Variants in ATP13A4 observed in about 807,000 individuals in gnomAD.
ATP13A4 encodes probable cation-transporting ATPase 13A4.
ATP13A4 carries 114 observed loss-of-function variants against 142.5 expected under a neutral mutation model. That is an observed-to-expected ratio of 0.80 (90% CI 0.69 to 0.93). The LOEUF (loss-of-function observed/expected upper bound fraction) is 0.93. Among genes scored for constraint, ATP13A4 ranks in the 40% least tolerant of loss-of-function variants. The pLI is 0.00. For missense variants in ATP13A4, 1,392 were observed against 1,454.0 expected (o/e 0.96, Z 0.69); for synonymous variants, 488 against 514.8 (o/e 0.95, Z 0.70).
intron 25 of ATP13A4, among the ~76,000 whole-genome samples, chr3:193,421,547 T>C (rs1483351783): frequency 6.7e-6 from 1 of 150,036 alleles, no homozygotes; most frequent in African/African-American, 2.4e-5. Flanking sequence ...ATAAAACATA[T>C]ATATCTCTAG....
At chr3:193,438,067 C>T (rs1031124915) in intron 23 of ATP13A4, among the ~76,000 whole-genome samples, 4 of 152,032 alleles carry the variant, frequency 2.6e-5, no homozygotes, top group African/African-American at 4.8e-5. Context: ...CTCCTGACCT[C>T]GTGATCTGCC....
intron 25 of ATP13A4, among the ~76,000 whole-genome samples, chr3:193,431,801 A>G (rs907849735): frequency 1.3e-5 from 2 of 151,604 alleles, no homozygotes; most frequent in Admixed American, 1.3e-4. Context: ...AAAACAAGTA[A>G]ATATATATGT....
chr3:193,557,996 G>A (rs1160998168), upstream of ATP13A4, among the ~76,000 whole-genome samples: 2 of 152,214 alleles, frequency 1.3e-5, no homozygotes, highest in Non-Finnish European at 2.9e-5. Flanking sequence ...CATGTGGCAG[G>A]GAAATATGGA....
rs1560290861 is a variant in ATP13A4, at chr3:193,582,633, ACAT to A, written n.92-730_92-728del. On this transcript the variant is annotated intron_variant and non_coding_transcript_variant, in intron 1 of 3. Coordinates refer to the ATP13A4 transcript ENST00000489140. Reference sequence around the variant, plus strand: ...TGTATATTATATATGTATATTACATACATTATATATGTATATTACATACATTAT... The same window carrying A: ...TGTATATTATATATGTATATTACATATATATATGTATATTACATACATTAT... 2.4e-4 allele frequency among the ~76,000 whole-genome samples: 16 copies of A among 66,404 alleles called. 1 individual carries two copies. Among genetic ancestry groups the A allele is most frequent in the African/African-American group, 1.2e-3 (14 of 11,656 alleles). 43.6% of individuals were successfully genotyped at this position (66,404 alleles called of 152,430 possible).
At chr3:193,531,332 A>AAGGG (rs1560262376) in intron 1 of ATP13A4, among the ~76,000 whole-genome samples, 3 of 82,574 alleles carry the variant, frequency 3.6e-5, no homozygotes, top group Non-Finnish European at 7.7e-5. Flanking sequence ...GGAAGGAAGG[A>AAGGG]AGGAAGGGAG....
At position 193,554,767 on chromosome 3, in the gene ATP13A4, C is replaced by T. The variant is rs1156742927; in HGVS notation, c.33G>A (p.Leu11=). The change falls in exon 1 of 30, where the codon CTG becomes CTA. Residue 11 remains leucine, a synonymous_variant. Transcript: ENST00000342695. ...TCTCATTCTCTTCTCCTTCATTGAGCAGAGCGTGCTGGCCCTTCTCAAAGT... is the reference window on the plus strand; with the variant it reads ...TCTCATTCTCTTCTCCTTCATTGAGTAGAGCGTGCTGGCCCTTCTCAAAGT... The part of the protein sequence containing the change: MGHFEKGQHA[L]LNEGEENEME... The T allele has an allele frequency of 6.2e-7, 1 of 1,613,814 alleles. No homozygotes were observed.
Position 193,435,643 on chromosome 3 carries a change from C to T in ATP13A4, c.2769+5G>A, listed in dbSNP as rs1716224507. ...CTAACCAAGAGGCTAAGTCCCAAGT[C>T]ATACCCAGTAGAGCAGCAGAACACC... On this transcript the variant is annotated splice_donor_5th_base_variant and intron_variant, in intron 24 of 29. Transcript: ENST00000342695. 2 of 1,611,348 alleles carry T rather than the reference C, an allele frequency of 1.2e-6. No individual in the cohort carries two copies. Among genetic ancestry groups the T allele is most frequent in the Non-Finnish European group, 1.7e-6 (2 of 1,177,606 alleles).
Position 193,518,308 on chromosome 3 carries a change from A to C in ATP13A4, c.61-3437T>G, listed in dbSNP as rs764815491. On this transcript the variant is annotated intron_variant, in intron 1 of 29. Transcript: ENST00000342695. ...ATGAGCTCCAGCAACACACATCAAT[A>C]TGGATGACTCTTAGTAATAGAATAG... Among the ~76,000 whole-genome samples the C allele has an allele frequency of 6.1e-4, 93 of 152,360 alleles. 4 individuals carry two copies. Among genetic ancestry groups the C allele is most frequent in the Admixed American group, 5.9e-4 (9 of 15,310 alleles).
intron 29 of ATP13A4, among the ~76,000 whole-genome samples, chr3:193,404,338 C>A (rs1379053737): frequency 2.6e-5 from 4 of 152,120 alleles, no homozygotes; most frequent in South Asian, 2.1e-4. Flanking sequence ...TAGTTCTGGA[C>A]TCTGATGACC....
chr3:193,501,472 C>G (rs1360673797), intron 3 of ATP13A4, among the ~76,000 whole-genome samples: 1 of 151,822 alleles, frequency 6.6e-6, no homozygotes, highest in Non-Finnish European at 1.5e-5. Flanking sequence ...CCTGTATTCC[C>G]AGCTACTTTG....
intron 17 of ATP13A4, among the ~76,000 whole-genome samples, chr3:193,448,615 C>T (rs1460729733): frequency 2.6e-5 from 4 of 152,152 alleles, no homozygotes; most frequent in African/African-American, 4.8e-5. Context: ...GAATTACAGG[C>T]GTGAGCCACT....
chr3:193,422,440 C>T lies in ATP13A4; in HGVS notation c.2843-7690G>A, dbSNP rs575238106. ...GAAGAATACACATTATTTTCTAATGCGCATGGAACATTCTCCAGTTTAGAT... is the reference window on the plus strand; with the variant it reads ...GAAGAATACACATTATTTTCTAATGTGCATGGAACATTCTCCAGTTTAGAT... On this transcript the variant is annotated intron_variant, in intron 25 of 29. Transcript: ENST00000342695. 6.0e-5 allele frequency among the ~76,000 whole-genome samples: 6 copies of T among 100,438 alleles called. 1 individual carries two copies. The highest frequency in any genetic ancestry group is 1.0e-4 in the African/African-American group (3 of 29,884). The allele number at this position is 100,438 out of a possible 152,430, so 65.9% of individuals were successfully genotyped here.
intron 28 of ATP13A4, among the ~76,000 whole-genome samples, chr3:193,409,895 G>A (rs1576931905): frequency 6.6e-6 from 1 of 152,252 alleles, no homozygotes; most frequent in East Asian, 1.9e-4. Context: ...CTTTGTGGAA[G>A]GCACTGGTAA....
At chr3:193,482,017 G>C (rs1719325576) in intron 8 of ATP13A4, among the ~76,000 whole-genome samples, 2 of 152,114 alleles carry the variant, frequency 1.3e-5, no homozygotes, top group Admixed American at 6.6e-5. Flanking sequence ...AAAGAGAAGA[G>C]CAAAACTGTA....
At chr3:193,530,249 T>C (rs886281455) in intron 1 of ATP13A4, among the ~76,000 whole-genome samples, 1 of 152,106 alleles carries the variant, frequency 6.6e-6, no homozygotes, top group South Asian at 2.1e-4. Flanking sequence ...GTTTCTCAAA[T>C]CCTGTCTCAA....
intron 25 of ATP13A4, among the ~76,000 whole-genome samples, chr3:193,419,554 TC>T (rs143655635): frequency 0.49 from 71,011 of 145,236 alleles, 19,884 homozygotes; most frequent in Non-Finnish European, 0.59. Context: ...ATACCTCACT[TC>T]CCCGACCCCC....
chr3:193,517,055 A>G (rs533254974), intron 1 of ATP13A4, among the ~76,000 whole-genome samples: 1 of 152,230 alleles, frequency 6.6e-6, no homozygotes, highest in Non-Finnish European at 1.5e-5. Flanking sequence ...AGATTAAATT[A>G]GTTTCCCAAG....
intron 25 of ATP13A4, among the ~76,000 whole-genome samples, chr3:193,430,554 G>A (rs74854597): frequency 1.3e-5 from 2 of 152,098 alleles, no homozygotes; most frequent in African/African-American, 4.8e-5. Context: ...CTATTAAAGT[G>A]ATCTTTCTGA....
chr3:193,497,436 TA>T (rs1447239899), intron 3 of ATP13A4, among the ~76,000 whole-genome samples: 1 of 152,104 alleles, frequency 6.6e-6, no homozygotes, highest in African/African-American at 2.4e-5. Context: ...AGCAAGGATA[TA>T]AAGAGATGAA....
Sources: allele counts gnomAD v4.1 joint callset (sites outside exome capture counted in the v4.1 genomes callset), GRCh38; gene constraint gnomAD v4.1.1; transcripts MANE v1.5; gene names NCBI Gene and HGNC (gene_info 2026-07-23, HGNC 2026-07-21).